WDR49: variants seen among roughly 807,000 people sequenced by gnomAD.
The protein encoded by WDR49 is cilia- and flagella-associated protein 337.
Under a neutral mutation model 119.5 loss-of-function variants are expected in WDR49, and 107 were observed. The observed-to-expected ratio is 0.90, with a 90% CI of 0.77 to 1.05. The LOEUF (loss-of-function observed/expected upper bound fraction) is 1.05. WDR49 is among the 50% of genes least tolerant of loss of function. The pLI is 0.00. For missense variants in WDR49, 1,240 were observed against 1,220.5 expected, an observed-to-expected ratio of 1.02 and a Z score of -0.24; for synonymous variants, 425 against 418.8, an observed-to-expected ratio of 1.01 and a Z score of -0.18.
In WDR49 at chr3:167,606,327, A is replaced by C. The variant is rs1015497826; in HGVS notation, c.959-1859T>G. On this transcript the variant is annotated intron_variant, in intron 5 of 18. Transcript: ENST00000682715. ...TCACGATTTTGAGAACCTTCTCACT[A>C]TACTCATAAAGTCCAACCATAATAG... is the stretch of plus-strand genomic sequence containing the variant. Among the ~76,000 whole-genome samples, 6 of 152,280 alleles carry C rather than the reference A, an allele frequency of 3.9e-5. No homozygotes were observed. In the East Asian group the frequency reaches 1.2e-3, roughly 29 times the overall value.
intron 7 of WDR49, among the ~76,000 whole-genome samples, chr3:167,586,936 T>C (rs1252801069): frequency 6.6e-6 from 1 of 152,204 alleles, no homozygotes; most frequent in East Asian, 1.9e-4. Context: ...GAAGTCTTAA[T>C]GACAAAATAT....
chr3:167,560,390 C>T (rs1438916960), intron 8 of WDR49, among the ~76,000 whole-genome samples, 162 bp from the exon 9 acceptor site: 1 of 152,154 alleles, frequency 6.6e-6, no homozygotes, highest in East Asian at 1.9e-4. Context: ...GATAACATTT[C>T]AATTTTGACT....
At chr3:167,642,208 A>C (rs1717913173) in intron 2 of WDR49, among the ~76,000 whole-genome samples, 1 of 151,914 alleles carries the variant, frequency 6.6e-6, no homozygotes, top group African/African-American at 2.4e-5. Context: ...ACCATGTAAC[A>C]AGCTTACACA....
intron 8 of WDR49, chr3:167,575,251 G>A: frequency 1.2e-5 from 12 of 985,980 alleles, no homozygotes; most frequent in Non-Finnish European, 1.4e-5. Context: ...TGAGCTCACT[G>A]GCTTCACTGC....
In WDR49 at chr3:167,536,928, T is replaced by TATACCTC. The variant is rs753077139; in HGVS notation, c.1889_1895dup (p.Ile632MetfsTer7). On this transcript the variant is annotated frameshift_variant, in exon 11 of 19. Coordinates refer to ENST00000682715, the MANE Select transcript of WDR49 (RefSeq NM_001366157.1). LOFTEE classifies it high-confidence loss of function. ...CACACAAGATGTCATCATGGTGCTG[T>TATACCTC]ATACCTCCTTTCCATTCTTCAGGCT... The TATACCTC allele has an allele frequency of 1.3e-6, 2 of 1,588,506 alleles. No homozygotes were observed. The highest frequency in any genetic ancestry group is 8.6e-7 in the Non-Finnish European group (1 of 1,168,036).
chr3:167,505,552 T>C (rs1398417523), intron 16 of WDR49, 136 bp from the exon 17 acceptor site: 2 of 1,231,214 alleles, frequency 1.6e-6, no homozygotes, highest in South Asian at 2.1e-5. Context: ...GAAGTAGTGA[T>C]ATTTGTTTAT....
intron 2 of WDR49, among the ~76,000 whole-genome samples, chr3:167,642,299 A>G (rs1233525430): frequency 1.3e-5 from 2 of 151,950 alleles, no homozygotes; most frequent in Non-Finnish European, 2.9e-5. Context: ...ATATAATGCA[A>G]AAAAACTGCA....
chr3:167,644,667 T>A (rs927027356), intron 2 of WDR49, among the ~76,000 whole-genome samples: 3 of 152,264 alleles, frequency 2.0e-5, no homozygotes, highest in Admixed American at 6.5e-5. Flanking sequence ...TACTTCAGAA[T>A]GTATTTAGGG....
At chr3:167,547,799 A>G (rs1257049216) in intron 10 of WDR49, among the ~76,000 whole-genome samples, 2 of 152,002 alleles carry the variant, frequency 1.3e-5, no homozygotes, top group East Asian at 3.8e-4. Context: ...GTGCAAAGAA[A>G]TGAAAAGAAA....
chr3:167,604,446 G>C lies in WDR49; in HGVS notation c.981C>G (p.Asp327Glu), dbSNP rs765935002. The change falls in exon 6 of 19, where the codon GAC (aspartate) becomes GAG (glutamate). Residue 327 changes from aspartate (D) to glutamate (E), a missense_variant. By Grantham distance (45) the Asp-to-Glu change is conservative. Coordinates refer to ENST00000682715, the MANE Select transcript of WDR49 (RefSeq NM_001366157.1). ...TGCTGGTTGTACTGGAAATGATAGC[G>C]TCTAAAGATGCATTGTAAGTAACTG... ...VRQVTYNASL[D>E]AIISSTTSNT... 6.2e-7 allele frequency: 1 copy of C among 1,611,264 alleles called. No individual in the cohort carries two copies. The highest frequency in any genetic ancestry group is 1.7e-5 in the Admixed American group (1 of 59,554).
chr3:167,526,400 G>C (rs937448279), intron 15 of WDR49, among the ~76,000 whole-genome samples: 8 of 152,096 alleles, frequency 5.3e-5, no homozygotes, highest in South Asian at 2.1e-4. Flanking sequence ...ACTTGATGAC[G>C]TTTCGTTTCT....
At chr3:167,549,213 T>G (rs1210520554) in intron 10 of WDR49, among the ~76,000 whole-genome samples, 2 of 152,190 alleles carry the variant, frequency 1.3e-5, no homozygotes, top group African/African-American at 2.4e-5. Flanking sequence ...TGCCCAGTAA[T>G]GGGATGGCTG....
intron 15 of WDR49, among the ~76,000 whole-genome samples, chr3:167,526,302 G>A (rs568341908): frequency 6.6e-6 from 1 of 152,228 alleles, no homozygotes; most frequent in East Asian, 1.9e-4. Context: ...ATTATGTTTG[G>A]TGGGTGAACT....
intron 5 of WDR49, among the ~76,000 whole-genome samples, chr3:167,619,327 A>G (rs1716752059): frequency 6.6e-6 from 1 of 152,156 alleles, no homozygotes; most frequent in Non-Finnish European, 1.5e-5. Flanking sequence ...TCTTATTTTC[A>G]TGTTATGAAA....
chr3:167,551,509 C>T (rs1031395087), intron 10 of WDR49, among the ~76,000 whole-genome samples: 1 of 151,970 alleles, frequency 6.6e-6, no homozygotes, highest in Admixed American at 6.6e-5. Context: ...GGTGTGATGA[C>T]TCCATTTGCA....
At chr3:167,648,903 T>C (rs1371486237) in intron 2 of WDR49, among the ~76,000 whole-genome samples, 1 of 152,218 alleles carries the variant, frequency 6.6e-6, no homozygotes, top group Non-Finnish European at 1.5e-5. Flanking sequence ...GCAGATATTA[T>C]ATATTTTACA....
In WDR49 at chr3:167,637,838, T is replaced by G. The variant is rs142772074; in HGVS notation, c.166-10546A>C. The stretch of plus-strand genomic sequence containing the variant: ...TGTATAGAAGTGCTACTGATTAATT[T>G]TGTATCTGGAAATTTTGCTGAATTC... On this transcript the variant is annotated intron_variant, in intron 2 of 18. Transcript: ENST00000682715. Among the ~76,000 whole-genome samples the G allele has an allele frequency of 2.6e-5, 4 of 151,770 alleles. No homozygotes were observed. In the East Asian group the frequency reaches 7.8e-4, roughly 29 times the overall value.
chr3:167,654,606 A>C (rs1468349210), upstream of WDR49, among the ~76,000 whole-genome samples: 2 of 152,198 alleles, frequency 1.3e-5, no homozygotes, highest in African/African-American at 4.8e-5. Flanking sequence ...ACTGATAAAG[A>C]AGCAAAAAGC....
At chr3:167,649,696 G>C (rs1451585797) in intron 2 of WDR49, among the ~76,000 whole-genome samples, 1 of 152,160 alleles carries the variant, frequency 6.6e-6, no homozygotes, top group East Asian at 1.9e-4. Context: ...CTCTGGGGCA[G>C]TCTTGCTAGG....
Sources: gnomAD v4.1 joint callset for allele counts (sites outside exome capture counted in the v4.1 genomes callset) on GRCh38, gnomAD v4.1.1 for gene constraint, MANE v1.5 for transcripts, NCBI Gene and HGNC (gene_info 2026-07-23, HGNC 2026-07-21) for gene names.